Variants in NPNT observed in about 807,000 individuals in gnomAD.
NPNT encodes nephronectin.
Under a neutral mutation model 68.6 loss-of-function variants are expected in NPNT, and 45 were observed. The ratio of observed to expected loss-of-function variants is 0.66; its 90% confidence interval spans 0.52 to 0.84. The LOEUF (loss-of-function observed/expected upper bound fraction) is 0.84. Among genes scored for constraint, NPNT ranks in the 40% least tolerant of loss-of-function variants. The pLI is 0.00. For synonymous variants in NPNT, 233 were observed against 253.3 expected, an observed-to-expected ratio of 0.92 and a Z score of 0.76; for missense variants, 672 against 714.8, an observed-to-expected ratio of 0.94 and a Z score of 0.68.
intron 8 of NPNT, among the ~76,000 whole-genome samples, chr4:105,954,406 G>A (rs1473635692): frequency 6.6e-6 from 1 of 152,172 alleles, no homozygotes; most frequent in Non-Finnish European, 1.5e-5. Context: ...ATTCATGGTT[G>A]ATGTTAATTT....
At chr4:105,942,798 A>C in intron 8 of NPNT, 96 bp downstream of exon 8, 1 of 1,183,788 alleles carries the variant, frequency 8.4e-7, no homozygotes, top group Non-Finnish European at 1.2e-6. Context: ...ACTCGTAAGA[A>C]GAACTAGCTA....
At chr4:105,967,561 GTT>G (rs1277961227) in intron 11 of NPNT, 117 bp downstream of exon 11, 2 of 1,056,538 alleles carry the variant, frequency 1.9e-6, no homozygotes, top group Non-Finnish European at 2.6e-6. Context: ...AAAGGTTTGG[GTT>G]TTTTTCTGGG....
intron 3 of NPNT, among the ~76,000 whole-genome samples, chr4:105,928,760 C>T (rs923187843): frequency 1.5e-5 from 2 of 130,492 alleles, no homozygotes; most frequent in African/African-American, 5.3e-5. Flanking sequence ...TCCCTATCAT[C>T]TTAAATGTCA....
Position 105,967,342 on chromosome 4 carries a change from T to G in NPNT, c.1500T>G (p.Phe500Leu). Residue 500 changes from phenylalanine (F) to leucine (L), a missense_variant, in exon 11 of 12, where the codon TTT becomes TTG. Coordinates refer to ENST00000379987, the MANE Select transcript of NPNT (RefSeq NM_001033047.3). Reference protein sequence around the residue: ...TGLHSGTLQVFVRKHGAHGAA... With the variant: ...TGLHSGTLQVLVRKHGAHGAA... ...TGCACTCTGGCACACTCCAGGTGTT[T>G]GTGAGAAAACACGGTGCCCACGGAG... is the stretch of plus-strand genomic sequence containing the variant. 1.9e-6 allele frequency: 3 copies of G among 1,610,168 alleles called. No individual in the cohort carries two copies. Among genetic ancestry groups the G allele is most frequent in the Non-Finnish European group, 2.5e-6 (3 of 1,178,154 alleles).
intron 4 of NPNT, among the ~76,000 whole-genome samples, chr4:105,937,467 AAAG>A (rs1418178990): frequency 6.6e-6 from 1 of 151,672 alleles, no homozygotes; most frequent in East Asian, 1.9e-4. Flanking sequence ...AAAAAAAAAA[AAAG>A]AACACTACTG....
chr4:105,960,028 T>G (rs1356495065), intron 10 of NPNT, among the ~76,000 whole-genome samples: 1 of 152,150 alleles, frequency 6.6e-6, no homozygotes, highest in Non-Finnish European at 1.5e-5. Context: ...GCCAGGATGG[T>G]CTCGATCTCC....
intron 8 of NPNT, among the ~76,000 whole-genome samples, chr4:105,951,724 G>T (rs537317536): frequency 2.0e-5 from 3 of 152,222 alleles, no homozygotes; most frequent in Admixed American, 1.3e-4. Context: ...CAAGATTTTT[G>T]ATTTATATTT....
In NPNT at chr4:105,895,743, G is replaced by C; in HGVS notation, c.71+20G>C. ...CGGGAGGTGAGCTGGGCCCCGGGGC[G>C]CCCTCTCCTCCTTCCCGCGCTAATT... On this transcript the variant is annotated intron_variant, in intron 1 of 11. Transcript: ENST00000379987. 6.5e-6 allele frequency: 10 copies of C among 1,545,812 alleles called. No homozygotes were observed. Among genetic ancestry groups the C allele is most frequent in the Non-Finnish European group, 8.8e-6 (10 of 1,142,118 alleles).
intron 2 of NPNT, among the ~76,000 whole-genome samples, chr4:105,922,389 A>ATT (rs34610550): frequency 4.3e-5 from 6 of 139,350 alleles, no homozygotes; most frequent in East Asian, 2.1e-4. Context: ...TAAGATGGAT[A>ATT]TTTTTTTTTT....
intron 2 of NPNT, among the ~76,000 whole-genome samples, chr4:105,915,386 G>A (rs1297503569): frequency 6.6e-6 from 1 of 152,108 alleles, no homozygotes; most frequent in African/African-American, 2.4e-5. Context: ...TGGCGGGGGG[G>A]CACATGGGCT....
intron 3 of NPNT, among the ~76,000 whole-genome samples, chr4:105,934,462 G>A (rs770884842): frequency 3.7e-4 from 56 of 152,260 alleles, no homozygotes; most frequent in Non-Finnish European, 6.9e-4. Flanking sequence ...GGATGACTAT[G>A]GAATCCTATT....
At chr4:105,941,893 T>TAC (rs1052777252) in intron 7 of NPNT, among the ~76,000 whole-genome samples, 2 of 152,192 alleles carry the variant, frequency 1.3e-5, no homozygotes, top group African/African-American at 4.8e-5. Flanking sequence ...AGCATAGGGA[T>TAC]ACAACGTAGA....
chr4:105,965,540 T>A (rs1732054181), intron 10 of NPNT, among the ~76,000 whole-genome samples: 1 of 152,184 alleles, frequency 6.6e-6, no homozygotes, highest in South Asian at 2.1e-4. Context: ...CAGAATGGTA[T>A]CAGTGTACAT....
intron 10 of NPNT, among the ~76,000 whole-genome samples, chr4:105,965,610 A>G (rs936175207): frequency 1.3e-5 from 2 of 152,182 alleles, no homozygotes; most frequent in African/African-American, 4.8e-5. Flanking sequence ...ATAACCTTAT[A>G]TCTTAGTCTT....
intron 2 of NPNT, among the ~76,000 whole-genome samples, chr4:105,909,886 T>G (rs1727219696): frequency 6.6e-6 from 1 of 152,332 alleles, no homozygotes; most frequent in South Asian, 2.1e-4. Context: ...CATGCTGTGC[T>G]GCTTGCTTAA....
chr4:105,905,639 T>G (rs1726828412), intron 2 of NPNT, among the ~76,000 whole-genome samples: 2 of 152,210 alleles, frequency 1.3e-5, no homozygotes, highest in African/African-American at 2.4e-5. Flanking sequence ...ATGAATGTAC[T>G]ATAATTAATT....
chr4:105,919,698 G>T (rs1260322792), intron 2 of NPNT, among the ~76,000 whole-genome samples: 1 of 151,974 alleles, frequency 6.6e-6, no homozygotes, highest in Non-Finnish European at 1.5e-5. Context: ...CATTAGATTA[G>T]AACTAAATTT....
chr4:105,905,158 A>T (rs1225821335), intron 2 of NPNT, among the ~76,000 whole-genome samples: 6 of 151,920 alleles, frequency 3.9e-5, no homozygotes, highest in Admixed American at 3.9e-4. Context: ...GACACCGTTT[A>T]TGATAAAAAG....
chr4:105,921,726 C>T (rs1560903586), intron 2 of NPNT, among the ~76,000 whole-genome samples: 1 of 152,154 alleles, frequency 6.6e-6, no homozygotes, highest in Non-Finnish European at 1.5e-5. Context: ...CAATCTCCCT[C>T]CATTCCACCC....
Sources: gnomAD v4.1 joint callset for allele counts (sites outside exome capture counted in the v4.1 genomes callset) on GRCh38, gnomAD v4.1.1 for gene constraint, MANE v1.5 for transcripts, NCBI Gene and HGNC (gene_info 2026-07-23, HGNC 2026-07-21) for gene names.